STXBP5: variants seen among roughly 807,000 people sequenced by gnomAD.
STXBP5 encodes the protein syntaxin-binding protein 5.
Under a neutral mutation model 152.4 loss-of-function variants are expected in STXBP5, and 50 were observed. The observed-to-expected ratio is 0.33, with a 90% confidence interval of 0.26 to 0.42. STXBP5 has a LOEUF of 0.42. Ranked by LOEUF, STXBP5 falls within the 10% of genes least tolerant of loss-of-function variation. STXBP5 has a pLI of 1.00. For synonymous variants in STXBP5, 492 were observed against 494.7 expected (o/e 0.99, Z 0.07); for missense variants, 1,167 against 1,388.6 (o/e 0.84, Z 2.54).
At chr6:147,251,360 C>T (rs575444089) in intron 4 of STXBP5, among the ~76,000 whole-genome samples, 31 of 152,294 alleles carry the variant, frequency 2.0e-4, no homozygotes, top group East Asian at 5.8e-4. Context: ...CAAAACTGGC[C>T]GGCCGTTTGG....
rs771139927 is a variant in STXBP5, at chr6:147,388,145, A to T, written c.*3390A>T. On this transcript the variant is annotated 3_prime_UTR_variant, in exon 28 of 28. Coordinates refer to ENST00000321680, the MANE Select transcript of STXBP5 (RefSeq NM_001127715.4). ...AACTTTAAACTTGAATTTTTTCTGC[A>T]CTTTTTTAGGTAATGAAAACTTTTT... 6.6e-6 allele frequency: 1 copy of T among 151,772 alleles called. No homozygotes were observed. The highest frequency in any genetic ancestry group is 2.4e-5 in the African/African-American group (1 of 41,428). The allele number at this position is 151,772 out of a possible 1,614,324, so 9.4% of individuals were successfully genotyped here.
At chr6:147,281,803 A>G (rs146664405) in intron 8 of STXBP5, among the ~76,000 whole-genome samples, 3 of 152,330 alleles carry the variant, frequency 2.0e-5, no homozygotes, top group Non-Finnish European at 4.4e-5. Flanking sequence ...TTCAGAAGGT[A>G]TTATGTTGCA....
At chr6:147,205,058 G>A (rs1425452980) in intron 1 of STXBP5, among the ~76,000 whole-genome samples, 1 of 152,118 alleles carries the variant, frequency 6.6e-6, no homozygotes, top group Non-Finnish European at 1.5e-5. Context: ...GGTGTCTAAT[G>A]AATGTTGTTT....
intron 21 of STXBP5, among the ~76,000 whole-genome samples, chr6:147,341,574 T>C (rs940181365): frequency 6.6e-6 from 1 of 152,134 alleles, no homozygotes; most frequent in East Asian, 1.9e-4. Flanking sequence ...AAGAGCCACC[T>C]TGTGTGGAAG....
chr6:147,373,326 A>C (rs1310814167), intron 25 of STXBP5, among the ~76,000 whole-genome samples: 1 of 142,850 alleles, frequency 7.0e-6, no homozygotes, highest in Non-Finnish European at 1.5e-5. Flanking sequence ...AGATCGCATC[A>C]CTGCACTCCA....
At chr6:147,348,815 A>G (rs1440118296) in intron 21 of STXBP5, among the ~76,000 whole-genome samples, 1 of 152,230 alleles carries the variant, frequency 6.6e-6, no homozygotes, top group Admixed American at 6.5e-5. Context: ...ATATGCAACC[A>G]TTAAAATATA....
chr6:147,329,834 A>C (rs1367810080), intron 18 of STXBP5, among the ~76,000 whole-genome samples: 1 of 151,756 alleles, frequency 6.6e-6, no homozygotes, highest in Admixed American at 6.6e-5. Context: ...TCACCGTGTT[A>C]GCCAGGATGG....
intron 22 of STXBP5, among the ~76,000 whole-genome samples, chr6:147,358,523 T>G (rs1784911291): frequency 6.6e-6 from 1 of 152,130 alleles, no homozygotes; most frequent in Non-Finnish European, 1.5e-5. Context: ...TTGTTTTTGT[T>G]TTCAATTGTA....
At chr6:147,315,386 A>C in intron 14 of STXBP5, 129 bp from the exon 15 acceptor site, 1 of 608,622 alleles carries the variant, frequency 1.6e-6, no homozygotes, top group Non-Finnish European at 2.8e-6. Context: ...GACTAACGTA[A>C]ATTGAGAAAT....
chr6:147,330,077 A>G (rs1205029804), intron 18 of STXBP5, among the ~76,000 whole-genome samples: 2 of 152,184 alleles, frequency 1.3e-5, no homozygotes, highest in African/African-American at 4.8e-5. Context: ...CTGTATTACA[A>G]TACAGTTGCA....
intron 9 of STXBP5, among the ~76,000 whole-genome samples, chr6:147,293,968 C>A (rs1024438740): frequency 6.6e-6 from 1 of 152,062 alleles, no homozygotes; most frequent in African/African-American, 2.4e-5. Flanking sequence ...GAGGCAAAGG[C>A]AAATTCTGAC....
intron 4 of STXBP5, 78 bp from the exon 5 acceptor site, chr6:147,260,537 C>T: frequency 6.5e-7 from 1 of 1,537,926 alleles, no homozygotes. Context: ...AATTATATAT[C>T]ATAATCAACC....
At chr6:147,218,139 G>A (rs1413570047) in intron 2 of STXBP5, among the ~76,000 whole-genome samples, 4 of 152,130 alleles carry the variant, frequency 2.6e-5, no homozygotes, top group Admixed American at 6.6e-5. Context: ...CAAAACATTC[G>A]TAGCCTCCTC....
At position 147,239,377 on chromosome 6, in the gene STXBP5, A is replaced by C. The variant is rs371623571; in HGVS notation, c.431+107A>C. ...TGATGGACCTTATGCACAATCTAAA[A>C]ACTGATTCAGAAGCTTCAAAGGATA... On this transcript the variant is annotated intron_variant, in intron 4 of 27. Transcript: ENST00000321680. 74 of 877,946 alleles carry C rather than the reference A, an allele frequency of 8.4e-5. 1 individual carries two copies. Among genetic ancestry groups the C allele is most frequent in the East Asian group, 3.5e-4 (13 of 37,458 alleles). The allele number at this position is 877,946 out of a possible 1,614,324, so 54.4% of individuals were successfully genotyped here. A position where few individuals can be genotyped will look rare whatever the true frequency, so the allele number is the denominator to read the frequency against.
chr6:147,223,746 T>C (rs2115102572), intron 2 of STXBP5, among the ~76,000 whole-genome samples: 1 of 152,338 alleles, frequency 6.6e-6, no homozygotes, highest in African/African-American at 2.4e-5. Flanking sequence ...TTTTTTGTTT[T>C]TTAAATCTTT....
rs761406295 is a variant in STXBP5, at chr6:147,339,201, AGAT to A, written c.2175_2177del (p.Asp725del). On this transcript the variant is annotated inframe_deletion, in exon 20 of 28. Transcript: ENST00000321680. The stretch of plus-strand genomic sequence containing the variant: ...TAGGTTCTTCATCACCACACAATTC[AGAT>A]GATGAACAAAAAATGAATAATTTTA... 5 of 1,540,348 alleles carry A rather than the reference AGAT, an allele frequency of 3.2e-6. No homozygotes were observed. The highest frequency in any genetic ancestry group is 2.5e-5 in the South Asian group (2 of 81,268).
chr6:147,226,909 A>G (rs1163555127), intron 2 of STXBP5, among the ~76,000 whole-genome samples: 2 of 152,172 alleles, frequency 1.3e-5, no homozygotes, highest in Non-Finnish European at 2.9e-5. Flanking sequence ...CTACTAAATG[A>G]GCGAACATGG....
At chr6:147,327,325 G>C in intron 18 of STXBP5, 49 bp downstream of exon 18, 1 of 1,575,634 alleles carries the variant, frequency 6.3e-7, no homozygotes, top group South Asian at 1.2e-5. Context: ...TTCTATAAAT[G>C]CTGGCTTACT....
chr6:147,329,763 C>G (rs1201864221), intron 18 of STXBP5, among the ~76,000 whole-genome samples: 1 of 151,402 alleles, frequency 6.6e-6, no homozygotes, highest in Non-Finnish European at 1.5e-5. Flanking sequence ...GTAGCTGGGA[C>G]TACAGGCGCC....
Sources: allele counts gnomAD v4.1 joint callset (sites outside exome capture counted in the v4.1 genomes callset), GRCh38; gene constraint gnomAD v4.1.1; transcripts MANE v1.5; gene names NCBI Gene and HGNC (gene_info 2026-07-23, HGNC 2026-07-21).